CNTN5: variants seen among roughly 807,000 people sequenced by gnomAD.
CNTN5 encodes contactin 5.
A neutral mutation model predicts 129.1 loss-of-function variants in CNTN5; 77 were observed. That is an observed-to-expected ratio of 0.60 (90% CI 0.50 to 0.72). The LOEUF is 0.72. Ranked by LOEUF, CNTN5 falls within the 30% of genes least tolerant of loss-of-function variation. The pLI is 0.00. For synonymous variants in CNTN5, 509 were observed against 465.6 expected, an observed-to-expected ratio of 1.09 and a Z score of -1.20; for missense variants, 1,478 against 1,328.8, an observed-to-expected ratio of 1.11 and a Z score of -1.75.
chr11:99,756,513 A>G (rs1285199961), intron 3 of CNTN5, among the ~76,000 whole-genome samples: 2 of 152,266 alleles, frequency 1.3e-5, no homozygotes, highest in Admixed American at 6.5e-5. Context: ...TCGAAGCACA[A>G]TGAGTAAGCT....
chr11:99,537,688 G>A (rs1394339759), intron 2 of CNTN5, among the ~76,000 whole-genome samples: 1 of 152,086 alleles, frequency 6.6e-6, no homozygotes, highest in Admixed American at 6.6e-5. Context: ...TGTTGTCTGT[G>A]GCATTTTATT....
chr11:100,026,499 AC>A (rs1468036550), intron 9 of CNTN5, among the ~76,000 whole-genome samples: 4 of 152,114 alleles, frequency 2.6e-5, no homozygotes, highest in Non-Finnish European at 4.4e-5. Flanking sequence ...TTGCATTTTC[AC>A]CAGCAATGAA....
intron 7 of CNTN5, among the ~76,000 whole-genome samples, chr11:99,920,450 C>G (rs558443897): frequency 2.8e-4 from 42 of 152,292 alleles, no homozygotes; most frequent in African/African-American, 9.6e-4. Context: ...GTATATCCAA[C>G]TGCCTATCAG....
intron 7 of CNTN5, among the ~76,000 whole-genome samples, chr11:99,923,577 T>C (rs1156855863): frequency 2.6e-5 from 4 of 152,238 alleles, no homozygotes; most frequent in Non-Finnish European, 5.9e-5. Context: ...TTATTTACTT[T>C]GGGGTATATA....
chr11:99,151,916 T>C (rs1860075663), intron 1 of CNTN5, among the ~76,000 whole-genome samples: 1 of 152,140 alleles, frequency 6.6e-6, no homozygotes, highest in Non-Finnish European at 1.5e-5. Flanking sequence ...GAAGACCTAA[T>C]GTAGATGACG....
At chr11:99,030,888 C>T (rs1278491406) in intron 1 of CNTN5, among the ~76,000 whole-genome samples, 1 of 150,232 alleles carries the variant, frequency 6.7e-6, no homozygotes, top group African/African-American at 2.4e-5. Flanking sequence ...TCACGCCATT[C>T]TGCTGCCTCA....
Position 99,507,247 on chromosome 11 carries a change from C to T in CNTN5, c.-70-48898C>T, listed in dbSNP as rs557630973. Among the ~76,000 whole-genome samples, 195 of 151,554 alleles carry T rather than the reference C, an allele frequency of 1.3e-3. 1 individual carries two copies. The highest frequency in any genetic ancestry group is 2.4e-3 in the Non-Finnish European group (164 of 67,856). On this transcript the variant is annotated intron_variant, in intron 2 of 24. Coordinates refer to ENST00000524871, the MANE Select transcript of CNTN5 (RefSeq NM_014361.4). ...CAAAAATTAGCTAGGCATGGTGGTG[C>T]GCACCTGTAGTCCCAGCTACTCGGG...
chr11:99,418,547 T>C (rs531934467), intron 2 of CNTN5, among the ~76,000 whole-genome samples: 1 of 152,218 alleles, frequency 6.6e-6, no homozygotes, highest in African/African-American at 2.4e-5. Flanking sequence ...GATTATTTGA[T>C]CTTTAGCTAA....
At chr11:99,513,553 G>A (rs1427398717) in intron 2 of CNTN5, among the ~76,000 whole-genome samples, 6 of 152,092 alleles carry the variant, frequency 3.9e-5, no homozygotes, top group African/African-American at 1.4e-4. Context: ...AATGCAGCTG[G>A]TGACTAAGTT....
chr11:99,746,468 T>C (rs1441801986), intron 3 of CNTN5, among the ~76,000 whole-genome samples: 3 of 152,152 alleles, frequency 2.0e-5, no homozygotes, highest in African/African-American at 7.2e-5. Flanking sequence ...CCACTACTGG[T>C]CCATGGACTG....
chr11:99,662,932 T>G, intron 3 of CNTN5, among the ~76,000 whole-genome samples: 1 of 152,210 alleles, frequency 6.6e-6, no homozygotes, highest in East Asian at 1.9e-4. Flanking sequence ...AAATGTTGTT[T>G]CCTGATTTTT....
chr11:99,865,316 C>T (rs1429299670), intron 6 of CNTN5, among the ~76,000 whole-genome samples: 1 of 151,892 alleles, frequency 6.6e-6, no homozygotes, highest in Non-Finnish European at 1.5e-5. Context: ...AAAGAACAGT[C>T]ACTGGGACAC....
In CNTN5 at chr11:99,292,636, C is replaced by A. The variant is rs529994645; in HGVS notation, c.-209-32710C>A. ...CTGAGTGTGTGTCTGGAGAGTCAAG[C>A]AAAACTCTTTTTAAATTTTATTTTT... is the stretch of plus-strand genomic sequence containing the variant. On this transcript the variant is annotated intron_variant, in intron 1 of 24. Coordinates refer to ENST00000524871, the MANE Select transcript of CNTN5 (RefSeq NM_014361.4). 2.0e-5 allele frequency among the ~76,000 whole-genome samples: 3 copies of A among 152,184 alleles called. No individual in the cohort carries two copies. The South Asian group carries it at 6.2e-4, about 32-fold the overall frequency.
At chr11:99,489,572 T>C (rs1945953383) in intron 2 of CNTN5, among the ~76,000 whole-genome samples, 1 of 152,224 alleles carries the variant, frequency 6.6e-6, no homozygotes, top group South Asian at 2.1e-4. Flanking sequence ...TAATGAAGGC[T>C]TAATATCTGA....
intron 3 of CNTN5, among the ~76,000 whole-genome samples, chr11:99,741,751 A>G (rs762230286): frequency 5.3e-5 from 8 of 152,174 alleles, no homozygotes; most frequent in Non-Finnish European, 1.2e-4. Flanking sequence ...TAGAAAGTTC[A>G]TTTAAATGAG....
chr11:100,066,498 C>T (rs1943701143), intron 10 of CNTN5, among the ~76,000 whole-genome samples: 1 of 152,046 alleles, frequency 6.6e-6, no homozygotes, highest in Non-Finnish European at 1.5e-5. Flanking sequence ...TCTTTATGCA[C>T]ATCTGCTTAG....
intron 1 of CNTN5, among the ~76,000 whole-genome samples, chr11:99,151,288 G>A (rs545901203): frequency 6.6e-6 from 1 of 152,162 alleles, no homozygotes; most frequent in South Asian, 2.1e-4. Flanking sequence ...ATTTGTGTGT[G>A]CATGCACTCT....
At chr11:99,884,591 G>T (rs1948850777) in intron 6 of CNTN5, among the ~76,000 whole-genome samples, 3 of 152,164 alleles carry the variant, frequency 2.0e-5, no homozygotes, top group African/African-American at 7.2e-5. Flanking sequence ...GATATTGTAG[G>T]TACGTATATA....
chr11:99,714,110 A>G (rs934942701), intron 3 of CNTN5, among the ~76,000 whole-genome samples: 1 of 151,888 alleles, frequency 6.6e-6, no homozygotes, highest in Admixed American at 6.6e-5. Context: ...TGCTACTTGC[A>G]TTTCTGAACT....
Sources: allele counts gnomAD v4.1 joint callset (sites outside exome capture counted in the v4.1 genomes callset), GRCh38; gene constraint gnomAD v4.1.1; transcripts MANE v1.5; gene names NCBI Gene and HGNC (gene_info 2026-07-23, HGNC 2026-07-21).